CASK: variants seen among roughly 807,000 people sequenced by gnomAD.
CASK encodes peripheral plasma membrane protein CASK.
CASK carries 4 observed loss-of-function variants against 82.9 expected under a neutral mutation model. The observed-to-expected ratio is 0.05, with a 90% CI of 0.02 to 0.11. The LOEUF (loss-of-function observed/expected upper bound fraction) is 0.11. Ranked by LOEUF, CASK falls within the 10% of genes least tolerant of loss-of-function variation. The pLI is 1.00. For synonymous variants in CASK, 259 were observed against 253.5 expected (o/e 1.02, Z -0.20); for missense variants, 358 against 720.9 (o/e 0.50, Z 5.76).
At chrX:41,910,153 C>A (rs889134015) in intron 1 of CASK, among the ~76,000 whole-genome samples, 2 of 109,685 alleles carry the variant, frequency 1.8e-5, no homozygotes, top group South Asian at 7.9e-4. Context: ...ACCCAGGAGG[C>A]GGAGGTTGCA....
chrX:41,692,607 G>A (rs2067592036), intron 5 of CASK, among the ~76,000 whole-genome samples: 1 of 112,572 alleles, frequency 8.9e-6, no homozygotes, highest in Non-Finnish European at 1.9e-5. Context: ...GCTTTGTAAA[G>A]CATTCTCATC....
At chrX:41,680,920 A>T (rs772309314) in intron 5 of CASK, among the ~76,000 whole-genome samples, 60 of 111,710 alleles carry the variant, frequency 5.4e-4, no homozygotes, top group African/African-American at 1.3e-3. Flanking sequence ...GGTCTCAAAA[A>T]AAAAAAATAA....
chrX:41,533,611 C>T (rs1569290197), intron 24 of CASK, among the ~76,000 whole-genome samples: 1 of 112,209 alleles, frequency 8.9e-6, no homozygotes. Context: ...AATAATTTTC[C>T]TTTAGCTCTT....
intron 2 of CASK, among the ~76,000 whole-genome samples, chrX:41,812,074 C>T (rs1349637811): frequency 1.8e-5 from 2 of 111,124 alleles, no homozygotes; most frequent in East Asian, 5.6e-4. Context: ...CAATAACAGG[C>T]TCTGAAATTG....
chrX:41,600,501 C>T (rs2065878462), intron 12 of CASK, among the ~76,000 whole-genome samples: 1 of 112,282 alleles, frequency 8.9e-6, no homozygotes, highest in Non-Finnish European at 1.9e-5. Flanking sequence ...AATTCCTTTG[C>T]CTTTTGGTAA....
chrX:41,599,024 G>C (rs887390834), intron 12 of CASK, among the ~76,000 whole-genome samples: 4 of 111,525 alleles, frequency 3.6e-5, no homozygotes, highest in African/African-American at 1.3e-4. Context: ...CTTAAAAAGT[G>C]TGTAAATTCC....
Position 41,736,366 on chromosome X carries a change from G to A in CASK, c.429+3018C>T, listed in dbSNP as rs12010435. Among the ~76,000 whole-genome samples, 950 of 111,470 alleles carry A rather than the reference G, an allele frequency of 8.5e-3. 14 individuals carry two copies. The highest frequency in any genetic ancestry group is 0.03 in the African/African-American group (915 of 30,624). ...CAAAAAAAATTTAGCCAGGTGTGGT[G>A]GCGCACGCCTATAGTCCCAGCTACT... On this transcript the variant is annotated intron_variant, in intron 5 of 26. Transcript: ENST00000378163.
intron 8 of CASK, among the ~76,000 whole-genome samples, chrX:41,644,997 G>A (rs751216677): frequency 9.0e-6 from 1 of 111,533 alleles, no homozygotes; most frequent in Non-Finnish European, 1.9e-5. Context: ...GTGGTCCTGT[G>A]ATCTCGCCTT....
At chrX:41,801,787 G>A (rs2070003403) in intron 2 of CASK, among the ~76,000 whole-genome samples, 1 of 111,137 alleles carries the variant, frequency 9.0e-6, no homozygotes, top group Non-Finnish European at 1.9e-5. Flanking sequence ...CCTAGCTCAC[G>A]TCAAACTGAA....
At chrX:41,705,364 C>A (rs2067867811) in intron 5 of CASK, among the ~76,000 whole-genome samples, 1 of 110,902 alleles carries the variant, frequency 9.0e-6, no homozygotes, top group African/African-American at 3.3e-5. Flanking sequence ...CCAGACCAGC[C>A]TGGGCAACAT....
intron 25 of CASK, among the ~76,000 whole-genome samples, chrX:41,526,330 T>G (rs185564742): frequency 8.9e-6 from 1 of 111,802 alleles, no homozygotes. Flanking sequence ...CTACTCTAAG[T>G]GCTAGATGGA....
intron 1 of CASK, among the ~76,000 whole-genome samples, chrX:41,864,874 C>A (rs1479552369): frequency 1.8e-5 from 2 of 111,692 alleles, no homozygotes; most frequent in Non-Finnish European, 3.8e-5. Flanking sequence ...ACGAAATAAC[C>A]ATTTACACCC....
intron 8 of CASK, among the ~76,000 whole-genome samples, chrX:41,637,417 G>C (rs1199873686): frequency 8.8e-5 from 6 of 67,840 alleles, no homozygotes; most frequent in Non-Finnish European, 1.6e-4. Flanking sequence ...TTTTGAGACA[G>C]GGTCTTCCTC....
intron 5 of CASK, among the ~76,000 whole-genome samples, chrX:41,677,485 C>T (rs2067288022): frequency 8.9e-6 from 1 of 111,747 alleles, no homozygotes; most frequent in African/African-American, 3.3e-5. Context: ...TAGTAGTCAT[C>T]AATGTTACAA....
At chrX:41,838,481 C>T (rs1056130549) in intron 2 of CASK, among the ~76,000 whole-genome samples, 2 of 112,098 alleles carry the variant, frequency 1.8e-5, no homozygotes, top group African/African-American at 6.5e-5. Context: ...CTTGGCTGGG[C>T]ATGGTGGCTC....
intron 2 of CASK, among the ~76,000 whole-genome samples, chrX:41,821,156 G>A (rs1316219056): frequency 9.0e-6 from 1 of 111,448 alleles, no homozygotes; most frequent in Non-Finnish European, 1.9e-5. Context: ...GTTACAAACT[G>A]GGAAAACATA....
At chrX:41,683,246 C>T (rs1334792057) in intron 5 of CASK, 2 of 111,752 alleles carry the variant, frequency 1.8e-5, no homozygotes, top group Admixed American at 9.5e-5. Flanking sequence ...CTGATCAGCA[C>T]GGGAGTTTTG....
intron 5 of CASK, chrX:41,689,925 ATC>A (rs1255071680): frequency 2.7e-5 from 3 of 111,383 alleles, no homozygotes; most frequent in African/African-American, 9.8e-5. Context: ...TCACAGTGGA[ATC>A]TGTTGGGTCC....
At chrX:41,667,275 C>G (rs965594907) in intron 6 of CASK, among the ~76,000 whole-genome samples, 2 of 111,607 alleles carry the variant, frequency 1.8e-5, no homozygotes, top group East Asian at 2.8e-4. Context: ...GAGGAAGGCT[C>G]TTTTATTTCA....
Sources: allele counts gnomAD v4.1 joint callset (sites outside exome capture counted in the v4.1 genomes callset), GRCh38; gene constraint gnomAD v4.1.1; transcripts MANE v1.5; gene names NCBI Gene and HGNC (gene_info 2026-07-23, HGNC 2026-07-21).